The following SIPA1L3 variants were observed in gnomAD, a reference collection of about 807,000 sequenced individuals.
SIPA1L3 encodes signal-induced proliferation-associated 1-like protein 3.
In SIPA1L3, 59 loss-of-function variants were observed where a neutral mutation model predicts 150.1. The observed-to-expected ratio is 0.39, with a 90% confidence interval of 0.32 to 0.49. The LOEUF is 0.49. Among genes scored for constraint, SIPA1L3 ranks in the 20% least tolerant of loss-of-function variants. The probability of loss-of-function intolerance (pLI) is 0.86; values close to 1 mark genes in which losing one functional copy is unlikely to be tolerated. For missense variants in SIPA1L3, 2,211 were observed against 2,489.5 expected (o/e 0.89, Z 2.38); for synonymous variants, 1,070 against 1,077.6 (o/e 0.99, Z 0.14).
chr19:37,956,617 G>A lies in SIPA1L3; in HGVS notation c.-379+49259G>A, dbSNP rs577388513. 5.5e-4 allele frequency among the ~76,000 whole-genome samples: 83 copies of A among 151,526 alleles called. No individual in the cohort carries two copies. In the East Asian group the frequency reaches 0.012, roughly 21 times the overall value. On this transcript the variant is annotated intron_variant, in intron 1 of 21. Transcript: ENST00000222345. Reference sequence around the variant, plus strand: ...TCCTGCCTCAGCCTCCTGAGTAGCCGGGATTACATGCACACGCCACCATGC... The same window carrying A: ...TCCTGCCTCAGCCTCCTGAGTAGCCAGGATTACATGCACACGCCACCATGC...
In SIPA1L3 at chr19:38,050,350, G is replaced by A. The variant is rs189183475; in HGVS notation, c.-311+21194G>A. On this transcript the variant is annotated intron_variant, in intron 2 of 21. Transcript: ENST00000222345. ...GCATGCCTGTAATCCCAGCTACTCA[G>A]GAGGCTGAGGCAGGAGAATCCCTTG... Among the ~76,000 whole-genome samples, 94 of 152,108 alleles carry A rather than the reference G, an allele frequency of 6.2e-4. 1 individual carries two copies. The East Asian group carries it at 0.015, about 25-fold the overall frequency.
intron 21 of SIPA1L3, among the ~76,000 whole-genome samples, chr19:38,205,813 G>A (rs1318885877): frequency 1.3e-5 from 2 of 152,226 alleles, no homozygotes; most frequent in Non-Finnish European, 2.9e-5. Context: ...CAATAGTGAT[G>A]TTTGTCAAGC....
chr19:38,189,463 G>A (rs752657776), intron 16 of SIPA1L3, among the ~76,000 whole-genome samples: 12 of 151,908 alleles, frequency 7.9e-5, no homozygotes, highest in Non-Finnish European at 1.3e-4. Context: ...GTATCAGTGT[G>A]TAGAAAGTGA....
intron 1 of SIPA1L3, among the ~76,000 whole-genome samples, chr19:38,012,342 T>A (rs1258345502): frequency 6.6e-6 from 1 of 152,016 alleles, no homozygotes; most frequent in African/African-American, 2.4e-5. Context: ...CACCTCAGTG[T>A]CCCAAAGCCC....
intron 8 of SIPA1L3, among the ~76,000 whole-genome samples, chr19:38,112,698 T>A (rs1970793658): frequency 6.6e-6 from 1 of 152,118 alleles, no homozygotes; most frequent in Admixed American, 6.6e-5. Flanking sequence ...TTCCTTCATT[T>A]TTAAAGAAAG....
intron 2 of SIPA1L3, among the ~76,000 whole-genome samples, chr19:38,072,427 A>G (rs570128146): frequency 1.3e-5 from 2 of 152,326 alleles, no homozygotes; most frequent in East Asian, 3.9e-4. Flanking sequence ...GAAATGGAAT[A>G]GGGCTGACTT....
At chr19:37,993,307 G>A (rs891950314) in intron 1 of SIPA1L3, among the ~76,000 whole-genome samples, 2 of 152,120 alleles carry the variant, frequency 1.3e-5, no homozygotes, top group Non-Finnish European at 2.9e-5. Context: ...TTCTCATTGT[G>A]CGTTGGCTGT....
chr19:38,198,471 G>A lies in SIPA1L3; in HGVS notation c.4923G>A (p.Leu1641=). The change falls in exon 19 of 22, where the codon CTG becomes CTA. Residue 1641 remains leucine, a synonymous_variant. Transcript: ENST00000222345. ...GCCTGGACCCTGGGCTGATGCCCCT[G>A]CCTGACACAGCTGCTGGCCTCGAGT... ...LRRLDPGLMP[L]PDTAAGLEWS... 6.2e-7 allele frequency: 1 copy of A among 1,604,816 alleles called. No individual in the cohort carries two copies. Among genetic ancestry groups the A allele is most frequent in the East Asian group, 2.3e-5 (1 of 43,690 alleles).
chr19:38,128,116 G>C (rs979866468), intron 9 of SIPA1L3, among the ~76,000 whole-genome samples: 1 of 138,872 alleles, frequency 7.2e-6, no homozygotes, highest in Non-Finnish European at 1.5e-5. Context: ...GTGCAGTAGC[G>C]TGATCTCGGC....
chr19:37,917,654 G>T (rs1046794238), intron 1 of SIPA1L3, among the ~76,000 whole-genome samples: 1 of 152,130 alleles, frequency 6.6e-6, no homozygotes, highest in African/African-American at 2.4e-5. Flanking sequence ...GGGTGTTTAA[G>T]GGGGATAGGG....
At chr19:38,175,568 G>A (rs903993291) in intron 15 of SIPA1L3, among the ~76,000 whole-genome samples, 1 of 152,090 alleles carries the variant, frequency 6.6e-6, no homozygotes, top group African/African-American at 2.4e-5. Flanking sequence ...CACAGAGCAC[G>A]TTGCCTGCCC....
rs533138741 is a variant in SIPA1L3, at chr19:37,995,273, G to A, written c.-378-33816G>A. Among the ~76,000 whole-genome samples the A allele has an allele frequency of 1.2e-4, 18 of 152,290 alleles. No individual in the cohort carries two copies. The East Asian group carries it at 3.5e-3, about 29-fold the overall frequency. ...GAGACAGGGGATGGCAGTGGCATCC[G>A]CTAGACAACCAAGTGTCTGCTGTGG... On this transcript the variant is annotated intron_variant, in intron 1 of 21. Transcript: ENST00000222345.
chr19:38,025,337 G>T (rs1968482276), intron 1 of SIPA1L3, among the ~76,000 whole-genome samples: 1 of 151,066 alleles, frequency 6.6e-6, no homozygotes, highest in Admixed American at 6.6e-5. Context: ...GAGTGTGCTG[G>T]GATTGTGGAG....
chr19:38,080,886 T>C (rs746596233), intron 2 of SIPA1L3, among the ~76,000 whole-genome samples: 4 of 151,776 alleles, frequency 2.6e-5, no homozygotes, highest in Admixed American at 6.6e-5. Context: ...AGGAGAATCA[T>C]TCGAACCTTC....
Position 38,119,387 on chromosome 19 carries a change from C to T in SIPA1L3, c.2373C>T (p.Val791=). ...GAACCACATTCCGCAAATCCGACGT[C>T]TTCAGAGACTTCTTGCTGGCCAAGG... ...PSGTTFRKSD[V]FRDFLLAKVI... Residue 791 remains valine, a synonymous_variant, in exon 9 of 22, where the codon GTC becomes GTT. Transcript: ENST00000222345. 1 of 1,614,212 alleles carries T rather than the reference C, an allele frequency of 6.2e-7. No homozygotes were observed. Among genetic ancestry groups the T allele is most frequent in the South Asian group, 1.1e-5 (1 of 91,088 alleles).
intron 6 of SIPA1L3, chr19:38,106,299 G>C: frequency 7.7e-6 from 3 of 387,740 alleles, no homozygotes; most frequent in South Asian, 6.9e-5. Flanking sequence ...TAGAGACGGG[G>C]TTTCACCATG....
At chr19:37,911,500 C>T (rs1240251304) in intron 1 of SIPA1L3, among the ~76,000 whole-genome samples, 2 of 151,818 alleles carry the variant, frequency 1.3e-5, no homozygotes, top group Non-Finnish European at 2.9e-5. Flanking sequence ...TTAGGTTGTT[C>T]CTCTGAGATG....
chr19:38,053,790 T>G (rs1352099368), intron 2 of SIPA1L3, among the ~76,000 whole-genome samples: 1 of 152,090 alleles, frequency 6.6e-6, no homozygotes, highest in East Asian at 2.0e-4. Flanking sequence ...GGTCTCGAAC[T>G]CCTGGGCTCA....
chr19:38,199,786 G>A (rs1973045332), intron 19 of SIPA1L3: 1 of 152,152 alleles, frequency 6.6e-6, no homozygotes, highest in South Asian at 2.1e-4. Flanking sequence ...ATTCACATAA[G>A]TGGAAAAGAC....
Sources: gnomAD v4.1 joint callset for allele counts (sites outside exome capture counted in the v4.1 genomes callset) on GRCh38, gnomAD v4.1.1 for gene constraint, MANE v1.5 for transcripts, NCBI Gene and HGNC (gene_info 2026-07-23, HGNC 2026-07-21) for gene names.